Variants in PDS5B observed in about 807,000 individuals in gnomAD.
The protein encoded by PDS5B is PDS5 cohesin associated factor B, also known as sister chromatid cohesion protein PDS5 homolog B.
PDS5B carries 51 observed loss-of-function variants against 184.1 expected under a neutral mutation model. That is an observed-to-expected ratio of 0.28 (90% CI 0.22 to 0.35). The LOEUF is 0.35. Ranked by LOEUF, PDS5B falls within the 10% of genes least tolerant of loss-of-function variation. The pLI is 1.00. For missense variants in PDS5B, 1,180 were observed against 1,723.3 expected, an observed-to-expected ratio of 0.68 and a Z score of 5.58; for synonymous variants, 566 against 569.2, an observed-to-expected ratio of 0.99 and a Z score of 0.08.
intron 1 of PDS5B, among the ~76,000 whole-genome samples, chr13:32,644,721 A>G (rs897208822): frequency 5.3e-5 from 8 of 152,144 alleles, no homozygotes; most frequent in African/African-American, 1.4e-4. Flanking sequence ...CTTTCACCCA[A>G]TTCTTAGTTT....
intron 21 of PDS5B, among the ~76,000 whole-genome samples, chr13:32,740,738 A>T (rs1953512045): frequency 6.6e-6 from 1 of 151,438 alleles, no homozygotes; most frequent in Non-Finnish European, 1.5e-5. Context: ...TTTTGGCTCC[A>T]TGTTTTTTTA....
chr13:32,617,923 G>A (rs552017409), intron 1 of PDS5B, among the ~76,000 whole-genome samples: 1 of 152,272 alleles, frequency 6.6e-6, no homozygotes, highest in East Asian at 1.9e-4. Context: ...TTTATAAAGA[G>A]CAGAAATTTA....
rs541525657 is a variant in PDS5B at position 32,666,618 on chromosome 13, A to G, written c.625-1146A>G. ...ATATCCATAAAAAAAAAAATGAAAAAAAGTCTCCATACTTTGACACCATAA... is the reference window on the plus strand; with the variant it reads ...ATATCCATAAAAAAAAAAATGAAAAGAAGTCTCCATACTTTGACACCATAA... On this transcript the variant is annotated intron_variant, in intron 6 of 34. Transcript: ENST00000315596. Among the ~76,000 whole-genome samples, 3 of 152,292 alleles carry G rather than the reference A, an allele frequency of 2.0e-5. No individual in the cohort carries two copies. The East Asian group carries it at 5.8e-4, about 29-fold the overall frequency.
chr13:32,658,168 T>G, intron 3 of PDS5B, 71 bp from the exon 4 acceptor site: 1 of 754,810 alleles, frequency 1.3e-6, no homozygotes, highest in Non-Finnish European at 2.3e-6. Context: ...CTGAATAAAC[T>G]CTTGGAGTTT....
intron 18 of PDS5B, among the ~76,000 whole-genome samples, chr13:32,708,009 G>C (rs1952080506): frequency 6.6e-6 from 1 of 151,954 alleles, no homozygotes; most frequent in Non-Finnish European, 1.5e-5. Flanking sequence ...ATACCCCGGA[G>C]TTACTGTCCC....
Position 32,658,396 on chromosome 13 carries a change from A to C in PDS5B, c.400-38A>C, listed in dbSNP as rs1241291903. The stretch of plus-strand genomic sequence containing the variant: ...TTTGTTTGTATATTTTTAATAATCA[A>C]AATGCTTAACTTTCACTTTTTTACA... On this transcript the variant is annotated intron_variant, in intron 4 of 34. Transcript: ENST00000315596. 8.3e-6 allele frequency: 12 copies of C among 1,440,106 alleles called. No homozygotes were observed. The Admixed American group carries it at 2.1e-4, about 25-fold the overall frequency. 89.2% of individuals were successfully genotyped at this position (1,440,106 alleles called of 1,614,324 possible). A position where few individuals can be genotyped will look rare whatever the true frequency, so the allele number is the denominator to read the frequency against.
At chr13:32,660,689 T>C (rs185586227) in intron 6 of PDS5B, among the ~76,000 whole-genome samples, 58 of 152,310 alleles carry the variant, frequency 3.8e-4, no homozygotes, top group Non-Finnish European at 7.4e-4. Flanking sequence ...GAGAAGACTT[T>C]GTTGGGGAAA....
chr13:32,746,309 A>C (rs1411893575), intron 24 of PDS5B, among the ~76,000 whole-genome samples: 1 of 152,148 alleles, frequency 6.6e-6, no homozygotes. Context: ...CTTCTTTGTA[A>C]TAGTTTTGTT....
intron 1 of PDS5B, among the ~76,000 whole-genome samples, chr13:32,619,632 A>G (rs190573367): frequency 6.6e-6 from 1 of 152,278 alleles, no homozygotes; most frequent in Non-Finnish European, 1.5e-5. Flanking sequence ...CAAAAAATAA[A>G]GTATGATATC....
intron 6 of PDS5B, among the ~76,000 whole-genome samples, chr13:32,660,717 G>C (rs929196521): frequency 3.9e-5 from 6 of 152,158 alleles, no homozygotes; most frequent in Non-Finnish European, 7.3e-5. Flanking sequence ...CACCCTTCCT[G>C]ATTAAACATT....
chr13:32,744,248 A>C (rs1953666857), intron 23 of PDS5B, among the ~76,000 whole-genome samples: 2 of 152,176 alleles, frequency 1.3e-5, no homozygotes, highest in Non-Finnish European at 1.5e-5. Context: ...TATGTATTAA[A>C]ATTTCGAATG....
At chr13:32,664,646 T>C (rs573819543) in intron 6 of PDS5B, among the ~76,000 whole-genome samples, 1 of 152,116 alleles carries the variant, frequency 6.6e-6, no homozygotes, top group Non-Finnish European at 1.5e-5. Flanking sequence ...GGGGAATCAC[T>C]TGAGCTCAGG....
chr13:32,588,242 C>G (rs1377865988), intron 1 of PDS5B, among the ~76,000 whole-genome samples: 1 of 152,070 alleles, frequency 6.6e-6, no homozygotes, highest in Non-Finnish European at 1.5e-5. Flanking sequence ...AGCAGAAAAC[C>G]TAATTAAAAT....
chr13:32,614,547 C>T (rs933981956), intron 1 of PDS5B, among the ~76,000 whole-genome samples: 4 of 152,180 alleles, frequency 2.6e-5, no homozygotes, highest in African/African-American at 9.7e-5. Flanking sequence ...AGCTGCCCGC[C>T]TTGGCCTCCC....
chr13:32,636,365 A>G (rs2058559397), intron 1 of PDS5B, among the ~76,000 whole-genome samples: 1 of 152,250 alleles, frequency 6.6e-6, no homozygotes, highest in African/African-American at 2.4e-5. Context: ...CAGAGATAGT[A>G]GGCAGAATTA....
intron 19 of PDS5B, among the ~76,000 whole-genome samples, chr13:32,721,146 G>C (rs61945167): frequency 0.04 from 6,126 of 152,310 alleles, 184 homozygotes; most frequent in Non-Finnish European, 0.061. Flanking sequence ...CGTTCTCAAT[G>C]AGCTGTTGGG....
At chr13:32,639,300 TG>T (rs1230839436) in intron 1 of PDS5B, among the ~76,000 whole-genome samples, 17 of 152,178 alleles carry the variant, frequency 1.1e-4, no homozygotes, top group Non-Finnish European at 2.5e-4. Context: ...CAAGTGACCA[TG>T]TTTGCCCTTT....
intron 19 of PDS5B, among the ~76,000 whole-genome samples, chr13:32,714,709 G>A (rs1185090978): frequency 2.6e-5 from 4 of 152,190 alleles, no homozygotes; most frequent in Non-Finnish European, 5.9e-5. Flanking sequence ...GGCGGTCAGA[G>A]TTTAAGGTTA....
At chr13:32,706,853 C>T in intron 17 of PDS5B, 81 bp from the exon 18 acceptor site, 1 of 766,170 alleles carries the variant, frequency 1.3e-6, no homozygotes, top group Non-Finnish European at 2.2e-6. Flanking sequence ...TATGTATGTG[C>T]ACATATATGT....
Sources: allele counts gnomAD v4.1 joint callset (sites outside exome capture counted in the v4.1 genomes callset), GRCh38; gene constraint gnomAD v4.1.1; transcripts MANE v1.5; gene names NCBI Gene and HGNC (gene_info 2026-07-23, HGNC 2026-07-21).